TENM2: variants seen among roughly 807,000 people sequenced by gnomAD.
TENM2 encodes teneurin-2.
A neutral mutation model predicts 245.2 loss-of-function variants in TENM2; 52 were observed. The observed-to-expected ratio is 0.21, with a 90% CI of 0.17 to 0.27. The LOEUF (loss-of-function observed/expected upper bound fraction) is 0.27, where lower values mean the gene tolerates loss of function less well. Ranked by LOEUF, TENM2 falls within the 10% of genes least tolerant of loss-of-function variation. TENM2 has a pLI of 1.00. For missense variants in TENM2, 3,046 were observed against 3,666.8 expected, an observed-to-expected ratio of 0.83 and a Z score of 4.37; for synonymous variants, 1,363 against 1,438.9, an observed-to-expected ratio of 0.95 and a Z score of 1.19.
At chr5:167,547,366 C>T (rs954024771) in intron 2 of TENM2, among the ~76,000 whole-genome samples, 20 of 152,162 alleles carry the variant, frequency 1.3e-4, no homozygotes, top group African/African-American at 4.8e-4. Context: ...CCACCGTGCC[C>T]GGCCTTGGCG....
intron 2 of TENM2, among the ~76,000 whole-genome samples, chr5:167,585,788 A>G (rs971470801): frequency 6.6e-6 from 1 of 152,116 alleles, no homozygotes; most frequent in Non-Finnish European, 1.5e-5. Flanking sequence ...TTCTACCTTT[A>G]TGGATTCAAC....
intron 2 of TENM2, among the ~76,000 whole-genome samples, chr5:167,627,437 A>T (rs974046046): frequency 6.6e-6 from 1 of 152,190 alleles, no homozygotes; most frequent in Non-Finnish European, 1.5e-5. Context: ...GATAATTCTG[A>T]CAACCATTTT....
chr5:168,223,118 A>T (rs1004303357), intron 23 of TENM2, among the ~76,000 whole-genome samples: 2 of 152,228 alleles, frequency 1.3e-5, no homozygotes, highest in African/African-American at 4.8e-5. Flanking sequence ...AGGCAGCCGA[A>T]TCTTCTTAAA....
chr5:167,127,025 C>T, the TENM2 span, among the ~76,000 whole-genome samples: 12 of 150,856 alleles, frequency 8.0e-5, no homozygotes, highest in Non-Finnish European at 1.3e-4. Context: ...TTTTTTTCAC[C>T]TGCCTTTATA....
At chr5:167,682,266 G>T (rs4993463) in intron 2 of TENM2, among the ~76,000 whole-genome samples, 2 of 151,416 alleles carry the variant, frequency 1.3e-5, no homozygotes, top group Non-Finnish European at 2.9e-5. Flanking sequence ...AGGTTCAAGC[G>T]ATTCTTGTGT....
chr5:167,272,057 A>G, the TENM2 span, among the ~76,000 whole-genome samples: 1 of 152,238 alleles, frequency 6.6e-6, no homozygotes, highest in African/African-American at 2.4e-5. Context: ...GTCTAAGAGG[A>G]GACTGGAAAT....
At chr5:168,124,444 T>C (rs1462255037) in intron 10 of TENM2, among the ~76,000 whole-genome samples, 1 of 152,224 alleles carries the variant, frequency 6.6e-6, no homozygotes, top group Non-Finnish European at 1.5e-5. Context: ...TGAGGGGCAA[T>C]CCAGTTTGAC....
the TENM2 span, among the ~76,000 whole-genome samples, chr5:167,075,120 A>G: frequency 6.6e-6 from 1 of 152,188 alleles, no homozygotes; most frequent in Non-Finnish European, 1.5e-5. Flanking sequence ...ATGGTGAAAC[A>G]GACCCAAGAC....
chr5:168,122,113 GTA>G (rs1197419549), intron 10 of TENM2, among the ~76,000 whole-genome samples: 1 of 152,188 alleles, frequency 6.6e-6, no homozygotes, highest in Non-Finnish European at 1.5e-5. Flanking sequence ...TGAACACCTG[GTA>G]TATTCCCTTA....
intron 2 of TENM2, among the ~76,000 whole-genome samples, chr5:167,687,482 T>C (rs536889838): frequency 1.3e-5 from 2 of 152,250 alleles, no homozygotes; most frequent in South Asian, 4.1e-4. Context: ...GGAAAAACTA[T>C]TTATGTGGGA....
intron 2 of TENM2, among the ~76,000 whole-genome samples, chr5:167,819,023 TG>T (rs1252900501): frequency 6.6e-6 from 1 of 151,986 alleles, no homozygotes; most frequent in Non-Finnish European, 1.5e-5. Context: ...ATCCAGTTTT[TG>T]GGTAGCTGGG....
At chr5:167,459,804 T>G (rs889124489) in intron 2 of TENM2, among the ~76,000 whole-genome samples, 2 of 152,088 alleles carry the variant, frequency 1.3e-5, no homozygotes, top group Non-Finnish European at 2.9e-5. Flanking sequence ...ATGTGACCCA[T>G]AAGTAAATTT....
At chr5:167,906,130 C>T (rs2151544807) in intron 3 of TENM2, among the ~76,000 whole-genome samples, 1 of 152,220 alleles carries the variant, frequency 6.6e-6, no homozygotes, top group South Asian at 2.1e-4. Context: ...CCCAAGATTT[C>T]CCACTGAACC....
intron 2 of TENM2, among the ~76,000 whole-genome samples, chr5:167,412,011 T>C (rs889506819): frequency 2.0e-5 from 3 of 152,040 alleles, no homozygotes; most frequent in African/African-American, 4.8e-5. Context: ...ACCAAGGAAA[T>C]GTTATCTGGG....
chr5:167,457,906 A>G (rs1013146151), intron 2 of TENM2, among the ~76,000 whole-genome samples: 8 of 152,308 alleles, frequency 5.3e-5, no homozygotes, highest in Non-Finnish European at 1.0e-4. Context: ...TTTAAGCAAA[A>G]TATTTACCAA....
chr5:167,397,601 A>G (rs1041758120), intron 2 of TENM2, among the ~76,000 whole-genome samples: 2 of 152,156 alleles, frequency 1.3e-5, no homozygotes, highest in Non-Finnish European at 2.9e-5. Context: ...TGAATTAACA[A>G]ACCATCATGG....
chr5:168,076,119 A>G (rs1200397961), intron 7 of TENM2, among the ~76,000 whole-genome samples: 1 of 152,122 alleles, frequency 6.6e-6, no homozygotes, highest in Non-Finnish European at 1.5e-5. Context: ...ATATTCCACA[A>G]TGCGTGTGAC....
chr5:168,198,073 G>C (rs1212104896), intron 15 of TENM2, among the ~76,000 whole-genome samples: 1 of 151,700 alleles, frequency 6.6e-6, no homozygotes, highest in Non-Finnish European at 1.5e-5. Context: ...AGAGTAAACA[G>C]TTTAGGCTTT....
chr5:167,009,572 G>C, the TENM2 span, among the ~76,000 whole-genome samples: 1 of 152,124 alleles, frequency 6.6e-6, no homozygotes, highest in African/African-American at 2.4e-5. Flanking sequence ...TGAATGGCAT[G>C]GTCCCAGGTT....
Sources: gnomAD v4.1 joint callset for allele counts (sites outside exome capture counted in the v4.1 genomes callset) on GRCh38, gnomAD v4.1.1 for gene constraint, MANE v1.5 for transcripts, NCBI Gene and HGNC (gene_info 2026-07-23, HGNC 2026-07-21) for gene names.